Variants in LRRC4C observed in about 807,000 individuals in gnomAD.
LRRC4C encodes the protein leucine-rich repeat-containing protein 4C.
In LRRC4C, 5 loss-of-function variants were observed where a neutral mutation model predicts 33.6. The observed-to-expected ratio is 0.15, with a 90% CI of 0.08 to 0.31. The LOEUF (loss-of-function observed/expected upper bound fraction) is 0.31. LRRC4C is among the 10% of genes least tolerant of loss of function. The pLI, the probability that LRRC4C is intolerant of heterozygous loss-of-function variation, is 1.00. For synonymous variants in LRRC4C, 329 were observed against 302.0 expected, an observed-to-expected ratio of 1.09 and a Z score of -0.93; for missense variants, 560 against 796.7, an observed-to-expected ratio of 0.70 and a Z score of 3.58.
At chr11:40,612,687 A>G (rs1051668946) in intron 3 of LRRC4C, among the ~76,000 whole-genome samples, 2 of 151,936 alleles carry the variant, frequency 1.3e-5, no homozygotes, top group African/African-American at 4.8e-5. Flanking sequence ...AACACTATCC[A>G]TATGCACATA....
At chr11:40,392,200 G>T (rs531576483) in intron 3 of LRRC4C, among the ~76,000 whole-genome samples, 2 of 152,026 alleles carry the variant, frequency 1.3e-5, no homozygotes, top group Non-Finnish European at 2.9e-5. Flanking sequence ...GGGAATTTAG[G>T]GCAGTGAAAC....
At chr11:40,184,456 A>C (rs1038487837) in intron 5 of LRRC4C, among the ~76,000 whole-genome samples, 1 of 152,192 alleles carries the variant, frequency 6.6e-6, no homozygotes, top group Non-Finnish European at 1.5e-5. Context: ...TGATAATAGA[A>C]GAAAACAAGG....
intron 3 of LRRC4C, among the ~76,000 whole-genome samples, chr11:40,394,114 G>A (rs965457968): frequency 1.3e-5 from 2 of 152,092 alleles, no homozygotes; most frequent in African/African-American, 4.8e-5. Context: ...TTTAGATAAT[G>A]TTGGGGGTAT....
chr11:41,261,665 G>A (rs1015486225), intron 1 of LRRC4C, among the ~76,000 whole-genome samples: 1 of 152,058 alleles, frequency 6.6e-6, no homozygotes, highest in Non-Finnish European at 1.5e-5. Flanking sequence ...GGGGGCTATG[G>A]GCTTCATTCC....
At chr11:40,896,961 C>G (rs1955974006) in intron 2 of LRRC4C, among the ~76,000 whole-genome samples, 1 of 152,018 alleles carries the variant, frequency 6.6e-6, no homozygotes, top group African/African-American at 2.4e-5. Context: ...ATCTAAAGTA[C>G]TAGGAGAGTT....
At chr11:40,441,430 C>T (rs1305715477) in intron 3 of LRRC4C, among the ~76,000 whole-genome samples, 2 of 152,184 alleles carry the variant, frequency 1.3e-5, no homozygotes, top group African/African-American at 4.8e-5. Flanking sequence ...TTCGCTGTAA[C>T]TAAGTGTGCC....
At chr11:40,870,602 A>G (rs1181863710) in intron 2 of LRRC4C, among the ~76,000 whole-genome samples, 1 of 152,208 alleles carries the variant, frequency 6.6e-6, no homozygotes, top group Non-Finnish European at 1.5e-5. Context: ...ATCTCTGAAC[A>G]TAAATTGTGA....
intron 1 of LRRC4C, among the ~76,000 whole-genome samples, chr11:41,328,166 G>T (rs910134370): frequency 6.6e-6 from 1 of 152,030 alleles, no homozygotes; most frequent in Non-Finnish European, 1.5e-5. Flanking sequence ...TATCTTTCCT[G>T]TGGGCTAACT....
At chr11:41,036,663 A>T (rs796347624) in intron 1 of LRRC4C, among the ~76,000 whole-genome samples, 4 of 152,218 alleles carry the variant, frequency 2.6e-5, no homozygotes, top group African/African-American at 9.6e-5. Flanking sequence ...TTTTTTAAAC[A>T]GGTAAAATCA....
At chr11:40,492,808 G>A (rs1011281861) in intron 3 of LRRC4C, among the ~76,000 whole-genome samples, 21 of 152,172 alleles carry the variant, frequency 1.4e-4, no homozygotes, top group African/African-American at 4.8e-4. Context: ...TATATATACA[G>A]ATATCTGCAG....
intron 3 of LRRC4C, among the ~76,000 whole-genome samples, chr11:40,415,352 T>C (rs1377298755): frequency 1.3e-5 from 2 of 152,118 alleles, no homozygotes; most frequent in African/African-American, 2.4e-5. Flanking sequence ...ATCTTTGAAA[T>C]TGTGTTTTGT....
intron 1 of LRRC4C, among the ~76,000 whole-genome samples, chr11:40,998,392 A>G (rs1854129667): frequency 6.6e-6 from 1 of 152,116 alleles, no homozygotes; most frequent in Admixed American, 6.6e-5. Flanking sequence ...ATTCTAATAT[A>G]CAGTTCTAAA....
intron 3 of LRRC4C, among the ~76,000 whole-genome samples, chr11:40,594,879 G>A (rs2135761213): frequency 6.6e-6 from 1 of 152,194 alleles, no homozygotes; most frequent in African/African-American, 2.4e-5. Flanking sequence ...CTGTATAACT[G>A]AGCTTCCCAG....
intron 3 of LRRC4C, among the ~76,000 whole-genome samples, chr11:40,546,277 G>A (rs935441646): frequency 6.6e-6 from 1 of 151,956 alleles, no homozygotes; most frequent in Non-Finnish European, 1.5e-5. Context: ...ATGAATTCAA[G>A]GGTCATGATA....
chr11:41,186,243 G>A (rs1186638368), intron 1 of LRRC4C, among the ~76,000 whole-genome samples: 1 of 152,128 alleles, frequency 6.6e-6, no homozygotes, highest in East Asian at 1.9e-4. Flanking sequence ...TTTAGCATCA[G>A]CACAGTAATG....
At chr11:40,980,811 A>G (rs2137097818) in intron 1 of LRRC4C, among the ~76,000 whole-genome samples, 1 of 152,296 alleles carries the variant, frequency 6.6e-6, no homozygotes, top group East Asian at 1.9e-4. Context: ...ATATATTCAA[A>G]AGATGTTGAA....
intron 1 of LRRC4C, among the ~76,000 whole-genome samples, chr11:41,026,155 A>G (rs956078295): frequency 1.3e-5 from 2 of 151,732 alleles, no homozygotes; most frequent in African/African-American, 4.8e-5. Context: ...TTCCTCTGAT[A>G]AATCTGGACA....
intron 6 of LRRC4C, among the ~76,000 whole-genome samples, chr11:40,122,917 T>C (rs1851708105): frequency 6.7e-6 from 1 of 149,960 alleles, no homozygotes; most frequent in African/African-American, 2.5e-5. Flanking sequence ...CTTTTTTATA[T>C]CTATATAAAA....
At chr11:40,399,987 C>G (rs1321252381) in intron 3 of LRRC4C, among the ~76,000 whole-genome samples, 2 of 152,062 alleles carry the variant, frequency 1.3e-5, no homozygotes, top group Non-Finnish European at 2.9e-5. Flanking sequence ...ACCAGTAGAG[C>G]AAAGCCAAAG....
Sources: allele counts gnomAD v4.1 joint callset (sites outside exome capture counted in the v4.1 genomes callset), GRCh38; gene constraint gnomAD v4.1.1; transcripts MANE v1.5; gene names NCBI Gene and HGNC (gene_info 2026-07-23, HGNC 2026-07-21).